Variants in SLC24A2 observed in about 807,000 individuals in gnomAD.
SLC24A2 encodes the protein solute carrier family 24 member 2, also known as sodium/potassium/calcium exchanger 2.
SLC24A2 carries 36 observed loss-of-function variants against 62.0 expected under a neutral mutation model. The observed-to-expected ratio is 0.58, with a 90% CI of 0.44 to 0.77. The LOEUF (loss-of-function observed/expected upper bound fraction) is 0.77, where lower values mean the gene tolerates loss of function less well. Ranked by LOEUF, SLC24A2 falls within the 30% of genes least tolerant of loss-of-function variation. The pLI is 0.00. For synonymous variants in SLC24A2, 358 were observed against 294.0 expected (o/e 1.22, Z -2.23); for missense variants, 846 against 817.9 (o/e 1.03, Z -0.42).
At chr9:19,709,261 G>A (rs928959550) in intron 2 of SLC24A2, among the ~76,000 whole-genome samples, 27 of 151,978 alleles carry the variant, frequency 1.8e-4, no homozygotes, top group Middle Eastern at 6.8e-3. Context: ...AACAACAGGT[G>A]CTGGAGAGGA....
At chr9:20,268,476 T>C in the SLC24A2 span, among the ~76,000 whole-genome samples, 2 of 152,154 alleles carry the variant, frequency 1.3e-5, no homozygotes, top group Non-Finnish European at 2.9e-5. Context: ...TGGGTTATCA[T>C]GGGAGTGGCA....
chr9:19,565,907 G>C (rs1835630809), intron 7 of SLC24A2, among the ~76,000 whole-genome samples: 1 of 150,070 alleles, frequency 6.7e-6, no homozygotes, highest in Non-Finnish European at 1.5e-5. Context: ...AAACTGGCTC[G>C]CTATATATAG....
chr9:19,703,099 G>A (rs1820405348), intron 2 of SLC24A2, among the ~76,000 whole-genome samples: 1 of 152,104 alleles, frequency 6.6e-6, no homozygotes, highest in Admixed American at 6.5e-5. Flanking sequence ...GTGTACTAGA[G>A]AGAAAGAGAG....
At chr9:19,916,595 G>T in the SLC24A2 span, among the ~76,000 whole-genome samples, 4 of 151,884 alleles carry the variant, frequency 2.6e-5, no homozygotes, top group East Asian at 3.8e-4. Flanking sequence ...CATATTTATG[G>T]AAACTGAAAT....
chr9:19,986,904 A>T, the SLC24A2 span, among the ~76,000 whole-genome samples: 1 of 152,138 alleles, frequency 6.6e-6, no homozygotes. Context: ...ATGCCATTGA[A>T]ATGTTCAGTT....
intron 2 of SLC24A2, among the ~76,000 whole-genome samples, chr9:19,744,696 G>C (rs1412494664): frequency 2.0e-5 from 3 of 152,120 alleles, no homozygotes; most frequent in African/African-American, 7.2e-5. Context: ...TTAAAAAATT[G>C]AACACTGTGG....
At chr9:19,790,530 CA>C (rs3086381), upstream of SLC24A2, among the ~76,000 whole-genome samples, 2,387 of 122,380 alleles carry the variant, frequency 0.02, 45 homozygotes, top group African/African-American at 0.065. Flanking sequence ...ATTTGAGCAT[CA>C]AAAAAAAAAA....
the SLC24A2 span, among the ~76,000 whole-genome samples, chr9:20,288,687 G>A: frequency 1.3e-5 from 2 of 151,232 alleles, no homozygotes; most frequent in African/African-American, 4.9e-5. Flanking sequence ...GAACCTGGAA[G>A]GCGGAGGTTG....
chr9:20,237,240 T>G, the SLC24A2 span, among the ~76,000 whole-genome samples: 2 of 152,226 alleles, frequency 1.3e-5, no homozygotes, highest in African/African-American at 2.4e-5. Context: ...GTATCATATA[T>G]AATAAGCATC....
At chr9:19,538,737 T>C (rs1403992420) in intron 8 of SLC24A2, among the ~76,000 whole-genome samples, 2 of 131,884 alleles carry the variant, frequency 1.5e-5, no homozygotes, top group Non-Finnish European at 3.2e-5. Flanking sequence ...TTAGGGAGGA[T>C]TCCCTCTTTT....
intron 2 of SLC24A2, among the ~76,000 whole-genome samples, chr9:19,676,390 C>T (rs1292883750): frequency 6.6e-6 from 1 of 152,190 alleles, no homozygotes; most frequent in Non-Finnish European, 1.5e-5. Context: ...TTAGTCCTGC[C>T]TATTATCTGC....
intron 7 of SLC24A2, among the ~76,000 whole-genome samples, chr9:19,567,690 C>CAAAAAA (rs113815958): frequency 7.0e-6 from 1 of 142,480 alleles, no homozygotes; most frequent in Non-Finnish European, 1.5e-5. Flanking sequence ...TTAAAATAAC[C>CAAAAAA]AAAAAAAAAA....
the SLC24A2 span, among the ~76,000 whole-genome samples, chr9:20,134,807 T>C: frequency 6.6e-6 from 1 of 152,214 alleles, no homozygotes; most frequent in Non-Finnish European, 1.5e-5. Flanking sequence ...CACTAAATTC[T>C]GCTATGCAGA....
intron 2 of SLC24A2, among the ~76,000 whole-genome samples, chr9:19,623,515 T>TA (rs955005699): frequency 1.2e-3 from 186 of 152,110 alleles, no homozygotes; most frequent in African/African-American, 4.0e-3. Flanking sequence ...CACTTTTGTG[T>TA]AAAAAAAATA....
chr9:20,174,839 C>T, the SLC24A2 span, among the ~76,000 whole-genome samples: 1 of 151,904 alleles, frequency 6.6e-6, no homozygotes, highest in East Asian at 1.9e-4. Context: ...GTCCAGCAAT[C>T]CCACTACTGG....
rs1835895468 is a variant in SLC24A2 at position 19,573,339 on chromosome 9, G to C, written c.1347+12C>G. The C allele has an allele frequency of 6.5e-7, 1 of 1,548,220 alleles. No homozygotes were observed. Among genetic ancestry groups the C allele is most frequent in the Non-Finnish European group, 8.9e-7 (1 of 1,120,040 alleles). ...AACAACAGCCCAGAAGAGCAATGGA[G>C]AAAAGCCATACCTGGGCTTCTGCAC... On this transcript the variant is annotated intron_variant, in intron 7 of 10. Transcript: ENST00000341998.
the SLC24A2 span, among the ~76,000 whole-genome samples, chr9:20,218,159 G>C: frequency 1.3e-5 from 2 of 152,280 alleles, no homozygotes; most frequent in East Asian, 3.9e-4. Context: ...TTCTGAACTA[G>C]GAAGGCACTG....
chr9:20,019,770 C>T, the SLC24A2 span, among the ~76,000 whole-genome samples: 1 of 151,810 alleles, frequency 6.6e-6, no homozygotes, highest in Non-Finnish European at 1.5e-5. Flanking sequence ...AAACTATCAT[C>T]AGAGTGAACA....
the SLC24A2 span, among the ~76,000 whole-genome samples, chr9:19,885,329 G>A: frequency 3.9e-5 from 6 of 152,302 alleles, no homozygotes; most frequent in Admixed American, 6.5e-5. Context: ...ATTACTGGAA[G>A]AAGGTAGGCA....
Sources: gnomAD v4.1 joint callset for allele counts (sites outside exome capture counted in the v4.1 genomes callset) on GRCh38, gnomAD v4.1.1 for gene constraint, MANE v1.5 for transcripts, NCBI Gene and HGNC (gene_info 2026-07-23, HGNC 2026-07-21) for gene names.